The following FHIP1A variants were observed in gnomAD, a reference collection of about 807,000 sequenced individuals.
FHIP1A encodes the protein FHF complex subunit HOOK-interacting protein 1A.
Under a neutral mutation model 88.6 loss-of-function variants are expected in FHIP1A, and 61 were observed. The observed-to-expected ratio is 0.69, with a 90% CI of 0.56 to 0.85. FHIP1A has a LOEUF of 0.85. FHIP1A is among the 40% of genes least tolerant of loss of function. The pLI is 0.00. For missense variants in FHIP1A, 1,154 were observed against 1,273.5 expected (o/e 0.91, Z 1.43); for synonymous variants, 478 against 496.0 (o/e 0.96, Z 0.48).
intron 1 of FHIP1A, among the ~76,000 whole-genome samples, chr4:151,446,874 A>G (rs1001000382): frequency 5.3e-5 from 8 of 152,104 alleles, no homozygotes; most frequent in African/African-American, 1.7e-4. Flanking sequence ...CAGGCTGGCC[A>G]GCACTTGAGG....
At chr4:151,528,160 T>C (rs1731749473) in intron 3 of FHIP1A, among the ~76,000 whole-genome samples, 1 of 152,170 alleles carries the variant, frequency 6.6e-6, no homozygotes, top group Non-Finnish European at 1.5e-5. Context: ...GAAGAGCTAA[T>C]AGGAACAGTA....
At chr4:151,629,093 C>CTT (rs759740168) in intron 7 of FHIP1A, among the ~76,000 whole-genome samples, 26 of 152,070 alleles carry the variant, frequency 1.7e-4, no homozygotes, top group Non-Finnish European at 3.1e-4. Flanking sequence ...TCTTATAGTA[C>CTT]TTTGTAAATA....
chr4:151,623,913 T>A (rs1237812864), intron 7 of FHIP1A, among the ~76,000 whole-genome samples: 2 of 152,180 alleles, frequency 1.3e-5, no homozygotes, highest in African/African-American at 4.8e-5. Context: ...AGACCTCACA[T>A]AAGTTCAGGT....
chr4:151,645,551 G>A (rs1225489415), intron 9 of FHIP1A, among the ~76,000 whole-genome samples: 1 of 150,514 alleles, frequency 6.6e-6, no homozygotes, highest in East Asian at 1.9e-4. Context: ...TTCTCTGCAC[G>A]GCTTCTTTCT....
intron 11 of FHIP1A, among the ~76,000 whole-genome samples, chr4:151,653,248 A>G (rs1302419868): frequency 6.6e-6 from 1 of 152,148 alleles, no homozygotes; most frequent in East Asian, 1.9e-4. Flanking sequence ...GCAACACCCT[A>G]GCAATCTAAT....
intron 1 of FHIP1A, among the ~76,000 whole-genome samples, chr4:151,442,487 C>CTTTCTCTGCTCTCTATTTTCT (rs1432532981): frequency 2.6e-4 from 39 of 152,086 alleles, no homozygotes; most frequent in Non-Finnish European, 4.9e-4. Flanking sequence ...CTTGTTCTTC[C>CTTTCTCTGCTCTCTATTTTCT]TTTCTCTGCT....
intron 3 of FHIP1A, among the ~76,000 whole-genome samples, chr4:151,496,642 C>T (rs1329390965): frequency 3.3e-5 from 5 of 150,508 alleles, no homozygotes; most frequent in Admixed American, 6.6e-5. Flanking sequence ...TCCATTCCCC[C>T]GGCTCAAGTG....
Position 151,507,253 on chromosome 4 carries a change from A to G in FHIP1A, c.-123+24605A>G, listed in dbSNP as rs181298501. 6.0e-4 allele frequency among the ~76,000 whole-genome samples: 92 copies of G among 152,188 alleles called. 1 individual carries two copies. Among genetic ancestry groups the G allele is most frequent in the African/African-American group, 2.1e-3 (87 of 41,544 alleles). On this transcript the variant is annotated intron_variant, in intron 3 of 13. Transcript: ENST00000435205. ...ATCCTCCCAGCTCAGCCTCCCAAGT[A>G]TCAGGGACCACAGGCTTGCACCACC...
intron 7 of FHIP1A, among the ~76,000 whole-genome samples, chr4:151,603,763 A>G (rs1195325188): frequency 6.6e-6 from 1 of 152,134 alleles, no homozygotes; most frequent in African/African-American, 2.4e-5. Flanking sequence ...ATCATCCTTG[A>G]ATTTTTTCTC....
At chr4:151,635,354 C>G (rs1736310132) in intron 8 of FHIP1A, among the ~76,000 whole-genome samples, 1 of 151,820 alleles carries the variant, frequency 6.6e-6, no homozygotes, top group Admixed American at 6.6e-5. Context: ...AGTACATTAT[C>G]CAGCAATCCC....
intron 1 of FHIP1A, among the ~76,000 whole-genome samples, chr4:151,434,352 T>G (rs539753571): frequency 6.6e-6 from 1 of 152,368 alleles, no homozygotes; most frequent in East Asian, 1.9e-4. Context: ...GAATGAGATA[T>G]TCTTAGACTG....
rs1482129522 is a variant in FHIP1A, at chr4:151,656,435, C to T, written c.2730+25C>T. ...GGTATGTTAGCTGAACCCACATCCA[C>T]ACCTGTTGATTTTGTGGGTGCTAAT... On this transcript the variant is annotated intron_variant, in intron 12 of 13. Coordinates refer to ENST00000435205, the MANE Select transcript of FHIP1A (RefSeq NM_001109977.3). The surrounding 1 kb of genome is among the most constrained non-coding windows in gnomAD (Gnocchi z 4.2). 2.6e-6 allele frequency: 4 copies of T among 1,544,858 alleles called. No homozygotes were observed. Among genetic ancestry groups the T allele is most frequent in the South Asian group, 1.2e-5 (1 of 83,386 alleles).
intron 1 of FHIP1A, among the ~76,000 whole-genome samples, chr4:151,453,180 TA>T (rs1277381403): frequency 6.6e-6 from 1 of 152,044 alleles, no homozygotes; most frequent in African/African-American, 2.4e-5. Context: ...CATGTCTGGC[TA>T]ATTTTTGTAT....
chr4:151,543,376 T>C (rs1413708011), intron 3 of FHIP1A, among the ~76,000 whole-genome samples: 1 of 152,208 alleles, frequency 6.6e-6, no homozygotes, highest in Admixed American at 6.5e-5. Flanking sequence ...CTTTCTGAAC[T>C]CCTAATGCAT....
intron 1 of FHIP1A, among the ~76,000 whole-genome samples, chr4:151,417,177 C>T (rs1264976652): frequency 6.6e-6 from 1 of 152,200 alleles, no homozygotes; most frequent in Non-Finnish European, 1.5e-5. Flanking sequence ...CGAAAGCACA[C>T]TTCACAGGGT....
intron 3 of FHIP1A, among the ~76,000 whole-genome samples, chr4:151,532,741 G>A (rs1666017286): frequency 6.6e-6 from 1 of 152,148 alleles, no homozygotes; most frequent in African/African-American, 2.4e-5. Flanking sequence ...AGAAAAATAG[G>A]TTTAATTGGA....
intron 9 of FHIP1A, among the ~76,000 whole-genome samples, chr4:151,644,751 G>A (rs1290676148): frequency 6.6e-6 from 1 of 152,092 alleles, no homozygotes; most frequent in Non-Finnish European, 1.5e-5. Context: ...GATCCCTTTT[G>A]TTGCTGCTGC....
chr4:151,443,470 T>C (rs966374939), intron 1 of FHIP1A, among the ~76,000 whole-genome samples: 1 of 152,092 alleles, frequency 6.6e-6, no homozygotes, highest in African/African-American at 2.4e-5. Flanking sequence ...CAGTACTCTT[T>C]TGTTTCCCAA....
At chr4:151,541,965 C>T (rs917003093) in intron 3 of FHIP1A, among the ~76,000 whole-genome samples, 1 of 152,178 alleles carries the variant, frequency 6.6e-6, no homozygotes, top group African/African-American at 2.4e-5. Context: ...GAATCTCTGA[C>T]TGGCCTGTGC....
Sources: allele counts gnomAD v4.1 joint callset (sites outside exome capture counted in the v4.1 genomes callset), GRCh38; gene constraint gnomAD v4.1.1; non-coding constraint Gnocchi (gnomAD v3.1); transcripts MANE v1.5; gene names NCBI Gene and HGNC (gene_info 2026-07-23, HGNC 2026-07-21).